Variants in SRFBP1 observed in about 807,000 individuals in gnomAD.
SRFBP1 encodes the protein serum response factor binding protein 1.
A neutral mutation model predicts 45.5 loss-of-function variants in SRFBP1; 47 were observed. The observed-to-expected ratio is 1.03, with a 90% CI of 0.82 to 1.32. The LOEUF (loss-of-function observed/expected upper bound fraction) is 1.32. Among genes scored for constraint, SRFBP1 ranks in the 40% most tolerant of loss-of-function variants. The probability of loss-of-function intolerance (pLI) is 0.00; values close to 1 mark genes in which losing one functional copy is unlikely to be tolerated. For missense variants in SRFBP1, 621 were observed against 484.6 expected (o/e 1.28, Z -2.64); for synonymous variants, 203 against 166.3 (o/e 1.22, Z -1.70).
At chr5:122,022,515 C>G (rs1174112127) in intron 7 of SRFBP1, 108 bp downstream of exon 7, 23 of 885,172 alleles carry the variant, frequency 2.6e-5, no homozygotes, top group Non-Finnish European at 3.8e-5. Context: ...GAATTATGTA[C>G]CCACAGAAAT....
At position 122,027,099 on chromosome 5, in the gene SRFBP1, G is replaced by T. The variant is rs1166519026; in HGVS notation, c.1263G>T (p.Gln421His). Residue 421 changes from glutamine to histidine, a missense_variant, in exon 8 of 8, where the codon CAG becomes CAT. Gln to His is a conservative substitution (Grantham distance 24, BLOSUM62 0). Coordinates refer to ENST00000339397, the MANE Select transcript of SRFBP1 (RefSeq NM_152546.3). ...KEQQSNIAVF[Q>H]GKKITFDD ...AGCAATCTAATATTGCTGTGTTTCA[G>T]GGGAAAAAAATTACGTTTGATGATT... 1 of 1,603,852 alleles carries T rather than the reference G, an allele frequency of 6.2e-7. No homozygotes were observed. The highest frequency in any genetic ancestry group is 8.5e-7 in the Non-Finnish European group (1 of 1,177,084).
chr5:121,979,221 G>C (rs1752360455), intron 3 of SRFBP1, among the ~76,000 whole-genome samples: 1 of 152,118 alleles, frequency 6.6e-6, no homozygotes. Flanking sequence ...CATTTTAGAG[G>C]ACATACTCAG....
chr5:122,010,578 C>G (rs1419632099), intron 4 of SRFBP1, among the ~76,000 whole-genome samples: 1 of 152,100 alleles, frequency 6.6e-6, no homozygotes, highest in Non-Finnish European at 1.5e-5. Context: ...TTACTTCCTC[C>G]AGTTGATTGA....
At chr5:122,015,456 C>T (rs1753176826) in intron 4 of SRFBP1, among the ~76,000 whole-genome samples, 1 of 152,174 alleles carries the variant, frequency 6.6e-6, no homozygotes, top group South Asian at 2.1e-4. Context: ...ATTCTACTTG[C>T]ATGTAATTTA....
At chr5:122,016,255 A>G (rs1454622928) in intron 4 of SRFBP1, among the ~76,000 whole-genome samples, 1 of 152,028 alleles carries the variant, frequency 6.6e-6, no homozygotes, top group Non-Finnish European at 1.5e-5. Flanking sequence ...CTTGTCTCCT[A>G]TGCCATTCTT....
chr5:122,061,657 T>C (rs1472447678), intron 2 of SRFBP1, among the ~76,000 whole-genome samples: 1 of 152,036 alleles, frequency 6.6e-6, no homozygotes, highest in African/African-American at 2.4e-5. Context: ...CCTAGTGTTA[T>C]AAACAACTAA....
At chr5:121,989,309 G>A (rs768281389) in intron 3 of SRFBP1, among the ~76,000 whole-genome samples, 3 of 151,900 alleles carry the variant, frequency 2.0e-5, no homozygotes, top group Non-Finnish European at 4.4e-5. Flanking sequence ...ATCGTGATCC[G>A]CCCACCTCAG....
intron 4 of SRFBP1, among the ~76,000 whole-genome samples, chr5:121,998,313 C>T (rs1186274334): frequency 6.7e-6 from 1 of 150,306 alleles, no homozygotes; most frequent in Non-Finnish European, 1.5e-5. Flanking sequence ...GGCACATATA[C>T]ACCATGGAAT....
rs531524041 is a variant in SRFBP1, at chr5:122,040,212, T to G, written n.311+17805T>G. Among the ~76,000 whole-genome samples the G allele has an allele frequency of 2.6e-5, 4 of 152,300 alleles. No homozygotes were observed. In the South Asian group the frequency reaches 8.3e-4, roughly 32 times the overall value. On this transcript the variant is annotated intron_variant and non_coding_transcript_variant, in intron 2 of 2. Coordinates refer to the SRFBP1 transcript ENST00000504881. ...TTTGTATTTCAAACATCTCTTTTTG[T>G]TATTCTCTAATTAGTTGCATAAAAT...
At chr5:122,012,232 A>T (rs1439497510) in intron 4 of SRFBP1, among the ~76,000 whole-genome samples, 1 of 152,054 alleles carries the variant, frequency 6.6e-6, no homozygotes, top group Non-Finnish European at 1.5e-5. Flanking sequence ...TAAATGTAGG[A>T]TTTTCTAAGA....
intron 4 of SRFBP1, among the ~76,000 whole-genome samples, chr5:121,998,183 A>G (rs1344735942): frequency 6.6e-6 from 1 of 152,068 alleles, no homozygotes; most frequent in Non-Finnish European, 1.5e-5. Flanking sequence ...CCAAATGACT[A>G]TAAATCATGC....
intron 2 of SRFBP1, chr5:122,066,435 A>G (rs1754299859): frequency 3.2e-6 from 1 of 309,728 alleles, no homozygotes; most frequent in African/African-American, 2.1e-5. Flanking sequence ...TTGCACTACA[A>G]TTTCAAAAGG....
At chr5:121,965,234 T>C (rs923002646) in intron 1 of SRFBP1, among the ~76,000 whole-genome samples, 6 of 152,248 alleles carry the variant, frequency 3.9e-5, no homozygotes, top group Admixed American at 6.5e-5. Context: ...TTGCCATTGC[T>C]TTTGGTGTTT....
chr5:122,007,490 C>T (rs1170895021), intron 4 of SRFBP1, among the ~76,000 whole-genome samples: 2 of 152,042 alleles, frequency 1.3e-5, no homozygotes, highest in African/African-American at 4.8e-5. Context: ...GGTCTGGATC[C>T]TGGGGCCATG....
rs1384697276 is a variant in SRFBP1, at chr5:122,033,825, T to TG, written n.311+11418_311+11419insG. 2.0e-4 allele frequency among the ~76,000 whole-genome samples: 29 copies of TG among 146,908 alleles called. 1 individual carries two copies. In the South Asian group the frequency reaches 5.7e-3, roughly 29 times the overall value. The stretch of plus-strand genomic sequence containing the variant: ...AGATATTCTTTTATTTTCAGTTTTT[T>TG]TTTTTTTTTTTTTTTTGAGACAGAG... On this transcript the variant is annotated intron_variant and non_coding_transcript_variant, in intron 2 of 2. Coordinates refer to the SRFBP1 transcript ENST00000504881.
intron 3 of SRFBP1, among the ~76,000 whole-genome samples, chr5:121,984,281 T>C (rs1752473398): frequency 6.6e-6 from 1 of 151,834 alleles, no homozygotes; most frequent in Non-Finnish European, 1.5e-5. Context: ...TTTTTATTGT[T>C]CCCACCAACT....
At chr5:122,032,722 T>C (rs987449175), downstream of SRFBP1, among the ~76,000 whole-genome samples, 36 of 152,330 alleles carry the variant, frequency 2.4e-4, no homozygotes, top group African/African-American at 8.4e-4. Context: ...TTACAAACAA[T>C]GTTGCAAAGG....
rs184151151 is a variant in SRFBP1, at chr5:121,962,099, T to G, written c.36+31T>G. 6,980 of 1,613,492 alleles carry G rather than the reference T, an allele frequency of 4.3e-3. 27 individuals carry two copies. Among genetic ancestry groups the G allele is most frequent in the Non-Finnish European group, 5.3e-3 (6,297 of 1,179,834 alleles). On this transcript the variant is annotated intron_variant, in intron 1 of 7. Coordinates refer to ENST00000339397, the MANE Select transcript of SRFBP1 (RefSeq NM_152546.3). ...CGCCGAGGAACCTATGGGGCTGACT[T>G]TAAGGGTCCTCAAAACCAGCTCTTT...
downstream of SRFBP1, chr5:122,077,859 G>T (rs766020979): frequency 1.3e-6 from 2 of 1,540,046 alleles, no homozygotes; most frequent in Admixed American, 2.0e-5. The surrounding 1 kb of genome is among the most constrained non-coding windows in gnomAD (Gnocchi z 4.9). Context: ...ATCTGCTGGC[G>T]CCAGGCGCCC....
Sources: allele counts gnomAD v4.1 joint callset (sites outside exome capture counted in the v4.1 genomes callset), GRCh38; gene constraint gnomAD v4.1.1; non-coding constraint Gnocchi (gnomAD v3.1); transcripts MANE v1.5; gene names NCBI Gene and HGNC (gene_info 2026-07-23, HGNC 2026-07-21).